Variants in ANKRD52 observed in about 807,000 individuals in gnomAD.
ANKRD52 encodes serine/threonine-protein phosphatase 6 regulatory ankyrin repeat subunit C.
In ANKRD52, 7 loss-of-function variants were observed where a neutral mutation model predicts 116.0. The ratio of observed to expected loss-of-function variants is 0.06; its 90% confidence interval spans 0.03 to 0.11. The LOEUF is 0.11. Ranked by LOEUF, ANKRD52 falls within the 10% of genes least tolerant of loss-of-function variation. The pLI, the probability that ANKRD52 is intolerant of heterozygous loss-of-function variation, is 1.00. For missense variants in ANKRD52, 839 were observed against 1,408.6 expected, an observed-to-expected ratio of 0.60 and a Z score of 6.47; for synonymous variants, 528 against 578.1, an observed-to-expected ratio of 0.91 and a Z score of 1.24.
In ANKRD52 at chr12:56,247,680, C is replaced by T. The variant is rs1463293671; in HGVS notation, c.2066+7G>A. On this transcript the variant is annotated splice_region_variant and intron_variant, in intron 19 of 27. Coordinates refer to ENST00000267116, the MANE Select transcript of ANKRD52 (RefSeq NM_173595.4). ...AAAACCTGCACCCCACCCTGGCCCA[C>T]ACTCACTGTCCATAGGCATCCATGA... 4.3e-6 allele frequency: 7 copies of T among 1,609,446 alleles called. No individual in the cohort carries two copies. The highest frequency in any genetic ancestry group is 5.9e-6 in the Non-Finnish European group (7 of 1,177,982).
At position 56,244,589 on chromosome 12, in the gene ANKRD52, G is replaced by T. The variant is rs1005941542; in HGVS notation, c.2722+63C>A. ...AGCCCCAGCCAGCCTCCACAGGCAG[G>T]GCTGACCCATCCTGCAAATGCCCCA... On this transcript the variant is annotated intron_variant, in intron 24 of 27. Transcript: ENST00000267116. This position sits in a 1 kb window ranked among gnomAD's most constrained non-coding sequence, Gnocchi z 4.9. 8.7e-6 allele frequency: 14 copies of T among 1,608,348 alleles called. No individual in the cohort carries two copies. The highest frequency in any genetic ancestry group is 1.1e-5 in the Non-Finnish European group (13 of 1,177,202).
rs768213391 is a variant in ANKRD52 at position 56,257,903 on chromosome 12, C to G, written c.36G>C (p.Leu12=). ...GILSITDQPP[L]VQAIFSRDVE... is the part of the protein sequence containing the mutation. ...CATCTCGGCTAAAGATGGCCTGGAC[C>G]AGGGGCGGCTGCAGAGAGAACCGGC... The change falls in exon 2 of 28, where the codon CTG becomes CTC. Residue 12 remains leucine (L), a synonymous_variant. Coordinates refer to ENST00000267116, the MANE Select transcript of ANKRD52 (RefSeq NM_173595.4). The G allele has an allele frequency of 8.1e-6, 13 of 1,607,514 alleles. No homozygotes were observed. The highest frequency in any genetic ancestry group is 1.0e-5 in the Non-Finnish European group (12 of 1,178,124).
Position 56,244,233 on chromosome 12 carries a change from A to G in ANKRD52, c.2806-100T>C. ...GTAACAGGAGGACAAACAGCTGCCC[A>G]ACCAGTCGGATAGGCTGGACAATCC... On this transcript the variant is annotated intron_variant, in intron 25 of 27. Coordinates refer to ENST00000267116, the MANE Select transcript of ANKRD52 (RefSeq NM_173595.4). This position sits in a 1 kb window ranked among gnomAD's most constrained non-coding sequence, Gnocchi z 4.9. 2 of 1,532,592 alleles carry G rather than the reference A, an allele frequency of 1.3e-6. No homozygotes were observed. The highest frequency in any genetic ancestry group is 2.3e-5 in the South Asian group (2 of 88,732). 94.9% of individuals were successfully genotyped at this position (1,532,592 alleles called of 1,614,324 possible).
In ANKRD52 at chr12:56,257,843, C is replaced by T; in HGVS notation, c.96G>A (p.Glu32=). 1.9e-6 allele frequency: 3 copies of T among 1,613,838 alleles called. No individual in the cohort carries two copies. Among genetic ancestry groups the T allele is most frequent in the Non-Finnish European group, 2.5e-6 (3 of 1,179,854 alleles). ...CCCAACTCACCAGCACATTGATGTT[C>T]TCCTTCTGCGAGAGTAGGGAACGCA... is the stretch of plus-strand genomic sequence containing the variant. ...EEVRSLLSQK[E]NINVLDQERR... Residue 32 remains glutamate (E), a synonymous_variant, in exon 2 of 28, where the codon GAG becomes GAA. Coordinates refer to ENST00000267116, the MANE Select transcript of ANKRD52 (RefSeq NM_173595.4).
At position 56,248,897 on chromosome 12, in the gene ANKRD52, G is replaced by C; in HGVS notation, c.1593-27C>G. 1 of 1,510,924 alleles carries C rather than the reference G, an allele frequency of 6.6e-7. No homozygotes were observed. The highest frequency in any genetic ancestry group is 9.0e-7 in the Non-Finnish European group (1 of 1,111,900). The allele number at this position is 1,510,924 out of a possible 1,614,324, so 93.6% of individuals were successfully genotyped here. ...TGGGGAGCCGGGGGTAGACTGTGAG[G>C]CAGGGACAGGCCCAGCCCAGGAGGG... On this transcript the variant is annotated intron_variant, in intron 15 of 27. Coordinates refer to ENST00000267116, the MANE Select transcript of ANKRD52 (RefSeq NM_173595.4). The surrounding 1 kb of genome is among the most constrained non-coding windows in gnomAD (Gnocchi z 5.1).
In ANKRD52 at chr12:56,255,781, C is replaced by A; in HGVS notation, c.462+3G>T. 6.4e-7 allele frequency: 1 copy of A among 1,564,364 alleles called. No homozygotes were observed. On this transcript the variant is annotated splice_donor_region_variant and intron_variant, in intron 5 of 27. Transcript: ENST00000267116. This position sits in a 1 kb window ranked among gnomAD's most constrained non-coding sequence, Gnocchi z 4.3. ...GCTGGGCCTGGATGGGAACAGTCCT[C>A]ACCTCAAGATGCCCACTATGCACTG...
At chr12:56,245,688 T>C in intron 20 of ANKRD52, 92 bp from the exon 21 acceptor site, 1 of 965,114 alleles carries the variant, frequency 1.0e-6, no homozygotes, top group Non-Finnish European at 1.5e-6. Flanking sequence ...AAGAACCACT[T>C]CCAGGGCTCC....
intron 20 of ANKRD52, among the ~76,000 whole-genome samples, chr12:56,246,781 G>A (rs1286414279): frequency 6.6e-6 from 1 of 151,784 alleles, no homozygotes; most frequent in Non-Finnish European, 1.5e-5. Context: ...TTAGCCAGGC[G>A]TGGTGGCAGG....
rs1484115667 is a variant in ANKRD52, at chr12:56,253,080, G to T, written c.1107C>A (p.Gly369=). The change falls in exon 11 of 28, where the codon GGC becomes GGA. Residue 369 remains glycine, a synonymous_variant. Transcript: ENST00000267116. The surrounding 1 kb of genome is among the most constrained non-coding windows in gnomAD (Gnocchi z 5.5). The stretch of plus-strand genomic sequence containing the variant: ...AGTGCAGGGGGAACATGTCATGGAT[G>T]CCACGCCTAGAGAGAAGTTGAGGGA... ...MTNGADTARR[G]IHDMFPLHLA... 2 of 1,574,064 alleles carry T rather than the reference G, an allele frequency of 1.3e-6. No homozygotes were observed. The highest frequency in any genetic ancestry group is 2.7e-5 in the African/African-American group (2 of 73,920).
At position 56,248,126 on chromosome 12, in the gene ANKRD52, G is replaced by A. The variant is rs1871506179; in HGVS notation, c.1875C>T (p.Ala625=). ...CACACTCAGTAGAGCCGCGCTCCGT[G>A]GCCAGGAAGAGTGCGGTCCGGCCCT... ...DHKGRTALFL[A]TERGSTECVE... The change falls in exon 18 of 28, where the codon GCC becomes GCT. Residue 625 remains alanine (A), a synonymous_variant. Transcript: ENST00000267116. The surrounding 1 kb of genome is among the most constrained non-coding windows in gnomAD (Gnocchi z 5.1). 6.2e-7 allele frequency: 1 copy of A among 1,613,730 alleles called. No homozygotes were observed. The highest frequency in any genetic ancestry group is 1.7e-5 in the Admixed American group (1 of 60,016).
rs772422214 is a variant in ANKRD52, at chr12:56,252,581, G to C, written c.1302-11C>G. The C allele has an allele frequency of 2.5e-5, 40 of 1,613,196 alleles. No homozygotes were observed. In the Admixed American group the frequency reaches 6.5e-4, roughly 26 times the overall value. On this transcript the variant is annotated splice_polypyrimidine_tract_variant and intron_variant, in intron 12 of 27. Coordinates refer to ENST00000267116, the MANE Select transcript of ANKRD52 (RefSeq NM_173595.4). This position sits in a 1 kb window ranked among gnomAD's most constrained non-coding sequence, Gnocchi z 4.7. ...AGACATTCAACATTCCTAAAAGAAA[G>C]ATGTGTTAAGAGAGTTACAGCCTCA...
Position 56,244,761 on chromosome 12 carries a change from G to A in ANKRD52, c.2613C>T (p.Val871=), listed in dbSNP as rs1453050648. The A allele has an allele frequency of 6.2e-7, 1 of 1,613,848 alleles. No homozygotes were observed. Among genetic ancestry groups the A allele is most frequent in the South Asian group, 1.1e-5 (1 of 91,090 alleles). Residue 871 remains valine, a synonymous_variant, in exon 24 of 28, where the codon GTC becomes GTT. Transcript: ENST00000267116. This position sits in a 1 kb window ranked among gnomAD's most constrained non-coding sequence, Gnocchi z 4.9. The stretch of plus-strand genomic sequence containing the variant: ...GCTGCAGCAGCATCCGGAGCCCAGA[G>A]ACATTGTCCGCGAAGGCAGCGGCGT... ...PLHAAAFADN[V]SGLRMLLQHQ... is the part of the protein sequence containing the mutation.
chr12:56,249,830 G>A (rs551012733), intron 15 of ANKRD52, among the ~76,000 whole-genome samples: 2 of 152,132 alleles, frequency 1.3e-5, no homozygotes, highest in African/African-American at 2.4e-5. Context: ...GCCTGAGCTC[G>A]GGAGTTCAAG....
chr12:56,237,946 C>CT lies in ANKRD52; in HGVS notation c.*5195dup. On this transcript the variant is annotated 3_prime_UTR_variant, in exon 28 of 28. Transcript: ENST00000267116. Reference sequence around the variant, plus strand: ...GTTGGGGGAGGATGTGAGTAGGGGCCTGGAGGGTGCAGGGTCATTAATCTG... The same window carrying CT: ...GTTGGGGGAGGATGTGAGTAGGGGCCTTGGAGGGTGCAGGGTCATTAATCTG... The CT allele has an allele frequency of 2.0e-6, 1 of 505,388 alleles. No individual in the cohort carries two copies. The highest frequency in any genetic ancestry group is 3.4e-6 in the Non-Finnish European group (1 of 296,912). 31.3% of individuals were successfully genotyped at this position (505,388 alleles called of 1,614,324 possible). A position where few individuals can be genotyped will look rare whatever the true frequency, so the allele number is the denominator to read the frequency against.
chr12:56,244,128 A>G lies in ANKRD52; in HGVS notation c.2811T>C (p.His937=). The G allele has an allele frequency of 6.2e-7, 1 of 1,613,730 alleles. No individual in the cohort carries two copies. Among genetic ancestry groups the G allele is most frequent in the South Asian group, 1.1e-5 (1 of 91,084 alleles). Residue 937 remains histidine, a synonymous_variant, in exon 26 of 28, where the codon CAT becomes CAC. Transcript: ENST00000267116. The surrounding 1 kb of genome is among the most constrained non-coding windows in gnomAD (Gnocchi z 4.9). The part of the protein sequence containing the change: ...TALHLACSKG[H]EKCALMILAE... ...CCAGGATCATGAGGGCACATTTCTC[A>G]TGGCCCTGAGGGAGGGGAACAGAGA...
chr12:56,258,155 G>GCCCAGCCTAGGCCGCACATC, intron 1 of ANKRD52, 88 bp downstream of exon 1: 1 of 1,547,216 alleles, frequency 6.5e-7, no homozygotes. Flanking sequence ...CCGGGCTCAG[G>GCCCAGCCTAGGCCGCACATC]CCCAGCCTAG....
Position 56,248,577 on chromosome 12 carries a change from C to T in ANKRD52, c.1705-11G>A. 6.3e-7 allele frequency: 1 copy of T among 1,582,920 alleles called. No individual in the cohort carries two copies. Among genetic ancestry groups the T allele is most frequent in the Non-Finnish European group, 8.6e-7 (1 of 1,164,628 alleles). On this transcript the variant is annotated splice_polypyrimidine_tract_variant and intron_variant, in intron 16 of 27. Transcript: ENST00000267116. The surrounding 1 kb of genome is among the most constrained non-coding windows in gnomAD (Gnocchi z 5.1). ...GGACATTTCTAAGAGCTGCAAAGGA[C>T]AGGAAAGTAGGTGCTGAGACTCTGG...
rs1871749361 is a variant in ANKRD52, at chr12:56,252,459, C to G, written c.1370+43G>C. On this transcript the variant is annotated intron_variant, in intron 13 of 27. Transcript: ENST00000267116. This position sits in a 1 kb window ranked among gnomAD's most constrained non-coding sequence, Gnocchi z 4.7. Reference sequence around the variant, plus strand: ...CTTCCTCCCTCTACCATTTGTTTCTCTAATCAGATATTCCCTATGTTTACC... The same window carrying G: ...CTTCCTCCCTCTACCATTTGTTTCTGTAATCAGATATTCCCTATGTTTACC... The G allele has an allele frequency of 6.2e-7, 1 of 1,602,250 alleles. No individual in the cohort carries two copies. The highest frequency in any genetic ancestry group is 1.3e-5 in the African/African-American group (1 of 74,640).
chr12:56,253,462 G>C lies in ANKRD52; in HGVS notation c.986-60C>G. ...ACCTCAGGCTTAAGACCACTTTCGC[G>C]AGCTAGCCATGATTTGAGTGCCTAC... On this transcript the variant is annotated intron_variant, in intron 9 of 27. Coordinates refer to ENST00000267116, the MANE Select transcript of ANKRD52 (RefSeq NM_173595.4). The surrounding 1 kb of genome is among the most constrained non-coding windows in gnomAD (Gnocchi z 5.5). 1 of 1,338,516 alleles carries C rather than the reference G, an allele frequency of 7.5e-7. No individual in the cohort carries two copies. The highest frequency in any genetic ancestry group is 1.1e-6 in the Non-Finnish European group (1 of 938,950). 82.9% of individuals were successfully genotyped at this position (1,338,516 alleles called of 1,614,324 possible).
Sources: gnomAD v4.1 joint callset for allele counts (sites outside exome capture counted in the v4.1 genomes callset) on GRCh38, gnomAD v4.1.1 for gene constraint, Gnocchi (gnomAD v3.1) non-coding constraint, MANE v1.5 for transcripts, NCBI Gene and HGNC (gene_info 2026-07-23, HGNC 2026-07-21) for gene names.